Variants in FANK1 observed in about 807,000 individuals in gnomAD.
FANK1 encodes fibronectin type 3 and ankyrin repeat domains protein 1.
A neutral mutation model predicts 45.3 loss-of-function variants in FANK1; 44 were observed. That is an observed-to-expected ratio of 0.97 (90% CI 0.76 to 1.25). FANK1 has a LOEUF of 1.25. Ranked by LOEUF, FANK1 falls within the 50% of genes most tolerant of loss-of-function variation. The pLI is 0.00. For synonymous variants in FANK1, 149 were observed against 152.5 expected (o/e 0.98, Z 0.17); for missense variants, 391 against 424.4 (o/e 0.92, Z 0.69).
chr10:125,924,128 C>A (rs117650329), intron 1 of FANK1, among the ~76,000 whole-genome samples: 1,003 of 88,596 alleles, frequency 0.011, no homozygotes, highest in Middle Eastern at 0.031. Flanking sequence ...AACCAAAAAA[C>A]CCACAAGTTT....
chr10:126,008,644 C>T (rs1953421691), intron 8 of FANK1, 94 bp downstream of exon 8: 2 of 1,432,208 alleles, frequency 1.4e-6, no homozygotes, highest in East Asian at 2.3e-5. Context: ...TTCAGCCCTG[C>T]ACCAGCCCTT....
chr10:125,980,433 A>G, intron 2 of FANK1, 95 bp downstream of exon 2: 1 of 1,353,524 alleles, frequency 7.4e-7, no homozygotes, highest in Non-Finnish European at 1.0e-6. Flanking sequence ...CTTGTTTCAA[A>G]TTAAAGAATG....
chr10:125,956,909 C>G (rs181772808), intron 1 of FANK1, among the ~76,000 whole-genome samples: 14 of 152,160 alleles, frequency 9.2e-5, no homozygotes, highest in African/African-American at 3.4e-4. Context: ...AGTGCAATGG[C>G]GCGATCTCAG....
intron 1 of FANK1, among the ~76,000 whole-genome samples, chr10:125,944,033 C>T (rs1165892794): frequency 2.0e-5 from 3 of 152,166 alleles, no homozygotes; most frequent in Admixed American, 6.5e-5. Flanking sequence ...TAAAGTTGCT[C>T]AGAACTTATT....
At chr10:125,903,380 G>A (rs552919439) in intron 1 of FANK1, among the ~76,000 whole-genome samples, 14 of 152,342 alleles carry the variant, frequency 9.2e-5, no homozygotes, top group South Asian at 6.2e-4. Context: ...TCTTAAGGGA[G>A]GCTGGAAGAA....
intron 1 of FANK1, among the ~76,000 whole-genome samples, chr10:125,910,519 A>G (rs1239813349): frequency 3.9e-5 from 6 of 152,292 alleles, no homozygotes; most frequent in Admixed American, 2.0e-4. Context: ...TTGTATATAG[A>G]AGCAAATTAT....
chr10:125,923,959 A>G (rs199846941), intron 1 of FANK1, among the ~76,000 whole-genome samples: 1,013 of 107,002 alleles, frequency 9.5e-3, no homozygotes, highest in East Asian at 0.013. Context: ...TTTTTAAAGA[A>G]CCAGGTTTTA....
At chr10:125,924,802 A>G (rs1236072778) in intron 1 of FANK1, among the ~76,000 whole-genome samples, 1 of 144,516 alleles carries the variant, frequency 6.9e-6, no homozygotes, top group African/African-American at 2.7e-5. Flanking sequence ...GTGAGACCCC[A>G]TCTCAAAAAA....
intron 1 of FANK1, among the ~76,000 whole-genome samples, chr10:125,953,464 C>T (rs1465591268): frequency 1.3e-5 from 2 of 152,140 alleles, no homozygotes; most frequent in Non-Finnish European, 2.9e-5. Context: ...ACCTTCTCAC[C>T]AGATCAGCTC....
intron 1 of FANK1, among the ~76,000 whole-genome samples, chr10:125,945,493 C>T (rs577422346): frequency 1.8e-3 from 275 of 152,266 alleles, no homozygotes; most frequent in African/African-American, 6.4e-3. Flanking sequence ...GGGTGACAGA[C>T]GCACCTGGAA....
At chr10:126,001,827 C>T (rs1008748278) in intron 6 of FANK1, among the ~76,000 whole-genome samples, 1 of 151,766 alleles carries the variant, frequency 6.6e-6, no homozygotes, top group African/African-American at 2.4e-5. Context: ...CCAGAGCCTC[C>T]GGGGCTGGAG....
intron 1 of FANK1, among the ~76,000 whole-genome samples, chr10:125,903,621 G>A (rs1945234095): frequency 6.6e-6 from 1 of 152,260 alleles, no homozygotes; most frequent in Admixed American, 6.5e-5. Context: ...CTTGAGCCTA[G>A]GAGTTTGGAT....
chr10:125,942,882 C>T (rs913038752), intron 1 of FANK1, among the ~76,000 whole-genome samples: 2 of 146,868 alleles, frequency 1.4e-5, no homozygotes, highest in Admixed American at 6.9e-5. Context: ...GGCATGATCT[C>T]AGCTCACTGC....
chr10:125,970,796 G>A (rs547315389), intron 1 of FANK1, among the ~76,000 whole-genome samples: 9 of 152,216 alleles, frequency 5.9e-5, no homozygotes, highest in East Asian at 3.9e-4. Flanking sequence ...GAGGGGGACC[G>A]TGGAAAGTGA....
At chr10:126,007,680 CGT>C (rs1564978116) in intron 7 of FANK1, among the ~76,000 whole-genome samples, 1 of 90,906 alleles carries the variant, frequency 1.1e-5, no homozygotes, top group Non-Finnish European at 2.7e-5. Flanking sequence ...ACATGGTATG[CGT>C]GTGTGCACAC....
chr10:125,961,652 T>C (rs77574688), intron 1 of FANK1, among the ~76,000 whole-genome samples: 1 of 152,096 alleles, frequency 6.6e-6, no homozygotes, highest in Non-Finnish European at 1.5e-5. Flanking sequence ...CAAGAAAACA[T>C]AGGGGGAAGC....
chr10:125,953,080 G>A (rs747783741), intron 1 of FANK1, among the ~76,000 whole-genome samples: 1 of 152,168 alleles, frequency 6.6e-6, no homozygotes, highest in Non-Finnish European at 1.5e-5. Context: ...CTGTTAACAC[G>A]TGAAATGCTT....
chr10:125,919,662 G>A (rs1946801410), intron 1 of FANK1, among the ~76,000 whole-genome samples: 1 of 152,168 alleles, frequency 6.6e-6, no homozygotes, highest in Non-Finnish European at 1.5e-5. Flanking sequence ...TTAGAAAGGA[G>A]CAAGTCTTTG....
At chr10:125,919,228 CA>C (rs1222126386) in intron 1 of FANK1, among the ~76,000 whole-genome samples, 1 of 16,200 alleles carries the variant, frequency 6.2e-5, no homozygotes, top group Non-Finnish European at 1.3e-4. Flanking sequence ...TTTTTTGTGA[CA>C]GAGTCTTGCT....
Sources: allele counts gnomAD v4.1 joint callset (sites outside exome capture counted in the v4.1 genomes callset), GRCh38; gene constraint gnomAD v4.1.1; transcripts MANE v1.5; gene names NCBI Gene and HGNC (gene_info 2026-07-23, HGNC 2026-07-21).